Variants in STARD13 observed in about 807,000 individuals in gnomAD.
STARD13 encodes stAR-related lipid transfer protein 13.
A neutral mutation model predicts 106.4 loss-of-function variants in STARD13; 62 were observed. That is an observed-to-expected ratio of 0.58 (90% CI 0.48 to 0.72). The LOEUF (loss-of-function observed/expected upper bound fraction) is 0.72, where lower values mean the gene tolerates loss of function less well. Ranked by LOEUF, STARD13 falls within the 30% of genes least tolerant of loss-of-function variation. The pLI is 0.00. For missense variants in STARD13, 1,387 were observed against 1,424.0 expected (o/e 0.97, Z 0.42); for synonymous variants, 565 against 553.0 (o/e 1.02, Z -0.31).
intron 1 of STARD13, among the ~76,000 whole-genome samples, chr13:33,301,894 A>G (rs982747163): frequency 1.3e-5 from 2 of 152,114 alleles, no homozygotes; most frequent in Non-Finnish European, 2.9e-5. Context: ...TTTTTTAGAA[A>G]GACTGGACTT....
At chr13:33,196,651 A>T (rs1886644911) in intron 1 of STARD13, among the ~76,000 whole-genome samples, 2 of 152,198 alleles carry the variant, frequency 1.3e-5, no homozygotes, top group South Asian at 2.1e-4. Context: ...TACATTGCTT[A>T]TCTTTAACCA....
rs143507716 is a variant in STARD13 at position 33,223,526 on chromosome 13, G to A, written c.170-55904C>T. Among the ~76,000 whole-genome samples the A allele has an allele frequency of 6.3e-3, 961 of 152,204 alleles. 11 individuals are homozygous for A. The highest frequency in any genetic ancestry group is 0.022 in the African/African-American group (911 of 41,516). Reference sequence around the variant, plus strand: ...ATACAAAAATTAGCCAGGTGAGGTGGTGGGTGCCTGTAATCCCAGCTACTC... The same window carrying A: ...ATACAAAAATTAGCCAGGTGAGGTGATGGGTGCCTGTAATCCCAGCTACTC... On this transcript the variant is annotated intron_variant, in intron 1 of 13. Transcript: ENST00000336934.
chr13:33,443,459 C>A, the STARD13 span, among the ~76,000 whole-genome samples: 6 of 145,226 alleles, frequency 4.1e-5, no homozygotes, highest in Middle Eastern at 3.5e-3. Context: ...GTCCCCCCCC[C>A]AAAAAAAAAA....
intron 1 of STARD13, among the ~76,000 whole-genome samples, chr13:33,326,799 A>C (rs1472216580): frequency 6.6e-6 from 1 of 152,220 alleles, no homozygotes; most frequent in Non-Finnish European, 1.5e-5. Flanking sequence ...ATCTCACCTC[A>C]GTTCTAGTAA....
At chr13:33,548,021 A>G in the STARD13 span, among the ~76,000 whole-genome samples, 2 of 152,208 alleles carry the variant, frequency 1.3e-5, no homozygotes, top group Admixed American at 6.5e-5. Flanking sequence ...TTTATTTTAG[A>G]TTCACTATAA....
the STARD13 span, among the ~76,000 whole-genome samples, chr13:33,592,619 TA>T: frequency 2.0e-5 from 3 of 152,130 alleles, no homozygotes; most frequent in South Asian, 2.1e-4. Context: ...TTGAGGACTT[TA>T]AAAAAAGTCT....
chr13:33,510,222 T>TA, the STARD13 span, among the ~76,000 whole-genome samples: 1 of 152,174 alleles, frequency 6.6e-6, no homozygotes, highest in Admixed American at 6.6e-5. Flanking sequence ...TGTCATAACT[T>TA]AGAGATTCTG....
intron 3 of STARD13, among the ~76,000 whole-genome samples, chr13:33,163,720 T>TATATAACATATATATAA (rs1883000738): frequency 2.0e-5 from 2 of 97,586 alleles, no homozygotes; most frequent in East Asian, 2.3e-4. Context: ...AACATATATA[T>TATATAACATATATATAA]AACATATATA....
intron 1 of STARD13, among the ~76,000 whole-genome samples, chr13:33,195,497 C>T (rs1380723314): frequency 6.6e-6 from 1 of 152,174 alleles, no homozygotes; most frequent in Non-Finnish European, 1.5e-5. Context: ...TGTGGTGTTC[C>T]AGCCACCTGG....
the STARD13 span, among the ~76,000 whole-genome samples, chr13:33,585,506 C>A: frequency 6.6e-6 from 1 of 152,070 alleles, no homozygotes; most frequent in Admixed American, 6.5e-5. Context: ...CTAGCCTGGG[C>A]AACATGATGA....
At chr13:33,651,486 G>A in the STARD13 span, among the ~76,000 whole-genome samples, 45 of 152,138 alleles carry the variant, frequency 3.0e-4, 1 homozygote, top group Non-Finnish European at 5.9e-5. Flanking sequence ...TACACCCCCT[G>A]TCATTCTTAA....
the STARD13 span, among the ~76,000 whole-genome samples, chr13:33,651,109 T>C: frequency 6.6e-6 from 1 of 152,262 alleles, no homozygotes; most frequent in African/African-American, 2.4e-5. Context: ...TTGGCTTTTA[T>C]CACAAAGCTT....
chr13:33,216,345 A>G (rs1888041192), intron 1 of STARD13, among the ~76,000 whole-genome samples: 1 of 152,364 alleles, frequency 6.6e-6, no homozygotes, highest in South Asian at 2.1e-4. Flanking sequence ...GTGGATAAAG[A>G]AACTGTGGTA....
At chr13:33,231,606 C>T (rs1888925795) in intron 1 of STARD13, among the ~76,000 whole-genome samples, 1 of 152,066 alleles carries the variant, frequency 6.6e-6, no homozygotes, top group South Asian at 2.1e-4. Context: ...TTGTGGCATG[C>T]GTTCACATTT....
chr13:33,474,250 C>T, the STARD13 span, among the ~76,000 whole-genome samples: 742 of 152,180 alleles, frequency 4.9e-3, 4 homozygotes, highest in Non-Finnish European at 7.9e-3. Context: ...TGGTGTGGCC[C>T]CAGTGTTCTT....
chr13:33,473,190 T>C, the STARD13 span, among the ~76,000 whole-genome samples: 1 of 152,196 alleles, frequency 6.6e-6, no homozygotes, highest in African/African-American at 2.4e-5. Context: ...ACTATCCTGC[T>C]TCAGAGAGAT....
the STARD13 span, among the ~76,000 whole-genome samples, chr13:33,655,448 G>A: frequency 6.6e-6 from 1 of 152,176 alleles, no homozygotes; most frequent in Non-Finnish European, 1.5e-5. Flanking sequence ...CGGTGACTTT[G>A]TGGATCATGG....
the STARD13 span, among the ~76,000 whole-genome samples, chr13:33,360,244 G>A: frequency 2.7e-5 from 4 of 150,090 alleles, no homozygotes; most frequent in East Asian, 4.2e-4. Context: ...TCACTCTGTC[G>A]CCCAGGCTGT....
At chr13:33,515,120 A>G in the STARD13 span, among the ~76,000 whole-genome samples, 1 of 152,236 alleles carries the variant, frequency 6.6e-6, no homozygotes, top group South Asian at 2.1e-4. Flanking sequence ...AAATTATTCA[A>G]ATGTTCTGGC....
Sources: gnomAD v4.1 joint callset for allele counts (sites outside exome capture counted in the v4.1 genomes callset) on GRCh38, gnomAD v4.1.1 for gene constraint, MANE v1.5 for transcripts, NCBI Gene and HGNC (gene_info 2026-07-23, HGNC 2026-07-21) for gene names.